GALNT1: variants seen among roughly 807,000 people sequenced by gnomAD.
GALNT1 encodes polypeptide N-acetylgalactosaminyltransferase 1.
In GALNT1, 17 loss-of-function variants were observed where a neutral mutation model predicts 65.7. That is an observed-to-expected ratio of 0.26 (90% CI 0.18 to 0.39). The LOEUF (loss-of-function observed/expected upper bound fraction) is 0.39. Among genes scored for constraint, GALNT1 ranks in the 10% least tolerant of loss-of-function variants. The pLI, the probability that GALNT1 is intolerant of heterozygous loss-of-function variation, is 1.00. For missense variants in GALNT1, 460 were observed against 672.8 expected, an observed-to-expected ratio of 0.68 and a Z score of 3.50; for synonymous variants, 210 against 219.7, an observed-to-expected ratio of 0.96 and a Z score of 0.39.
At chr18:35,667,934 C>G (rs541928857) in intron 3 of GALNT1, among the ~76,000 whole-genome samples, 1 of 152,296 alleles carries the variant, frequency 6.6e-6, no homozygotes, top group Non-Finnish European at 1.5e-5. Context: ...TTTCATTTGT[C>G]TACTTTCCCT....
chr18:35,654,884 A>G, intron 2 of GALNT1, 83 bp downstream of exon 2: 2 of 1,148,576 alleles, frequency 1.7e-6, no homozygotes, highest in Non-Finnish European at 2.3e-6. Context: ...TAAAATTTTA[A>G]CTTTTTTAGA....
intron 1 of GALNT1, among the ~76,000 whole-genome samples, chr18:35,605,150 A>G (rs1264459721): frequency 6.6e-6 from 1 of 152,096 alleles, no homozygotes; most frequent in African/African-American, 2.4e-5. Context: ...AGTAGCCCCA[A>G]GATGTTCTGT....
At chr18:35,661,726 C>G (rs1300148101) in intron 2 of GALNT1, among the ~76,000 whole-genome samples, 1 of 151,988 alleles carries the variant, frequency 6.6e-6, no homozygotes, top group Non-Finnish European at 1.5e-5. Context: ...CCCTTTGTCC[C>G]GTATATTTCC....
rs1449917184 is a variant in GALNT1, at chr18:35,695,924, C to T, written c.1299+3604C>T. 4.6e-5 allele frequency among the ~76,000 whole-genome samples: 7 copies of T among 152,074 alleles called. No individual in the cohort carries two copies. The East Asian group carries it at 1.4e-3, about 29-fold the overall frequency. ...TTTTGTTTTGTTTTTTTTGAGCTGA[C>T]CCAATTTTGGACAATGCCTAGGCAT... On this transcript the variant is annotated intron_variant, in intron 9 of 11. Coordinates refer to ENST00000269195, the MANE Select transcript of GALNT1 (RefSeq NM_020474.4).
intron 2 of GALNT1, among the ~76,000 whole-genome samples, chr18:35,659,326 A>G (rs941779681): frequency 2.6e-5 from 4 of 152,106 alleles, no homozygotes; most frequent in East Asian, 1.9e-4. Context: ...AGATTCTTCT[A>G]TTTACTTGTT....
At chr18:35,610,050 A>G (rs930690140) in intron 1 of GALNT1, among the ~76,000 whole-genome samples, 4 of 152,230 alleles carry the variant, frequency 2.6e-5, no homozygotes, top group African/African-American at 9.6e-5. Flanking sequence ...AGAGTGTTCA[A>G]ATTTCAAGGA....
At chr18:35,615,404 A>G (rs2046771188) in intron 1 of GALNT1, among the ~76,000 whole-genome samples, 1 of 152,172 alleles carries the variant, frequency 6.6e-6, no homozygotes, top group Admixed American at 6.5e-5. Context: ...TTTTACTAAC[A>G]CTGTATTAAA....
At chr18:35,608,176 A>T (rs2046674681) in intron 1 of GALNT1, among the ~76,000 whole-genome samples, 1 of 152,098 alleles carries the variant, frequency 6.6e-6, no homozygotes, top group Non-Finnish European at 1.5e-5. Flanking sequence ...AAGTTGTCTT[A>T]CTGCTAAGTT....
At chr18:35,672,778 C>G (rs1350723897) in intron 3 of GALNT1, among the ~76,000 whole-genome samples, 1 of 151,352 alleles carries the variant, frequency 6.6e-6, no homozygotes, top group Non-Finnish European at 1.5e-5. Context: ...CAAATCCATC[C>G]TATATAGTTA....
intron 1 of GALNT1, among the ~76,000 whole-genome samples, chr18:35,640,403 A>T (rs991610200): frequency 1.3e-5 from 2 of 152,216 alleles, no homozygotes; most frequent in Non-Finnish European, 2.9e-5. Flanking sequence ...ATTGTGTTAA[A>T]CCTTTAAAAG....
intron 1 of GALNT1, chr18:35,596,898 G>C (rs1349549999): frequency 6.6e-6 from 1 of 152,200 alleles, no homozygotes; most frequent in Non-Finnish European, 1.5e-5. Flanking sequence ...GTACTCCACT[G>C]ACTGTTCTTC....
chr18:35,634,525 C>T (rs72960691), intron 1 of GALNT1, among the ~76,000 whole-genome samples: 14,488 of 152,134 alleles, frequency 0.095, 829 homozygotes, highest in African/African-American at 0.17. Flanking sequence ...CACAAGCTTC[C>T]AAGAGTCCTC....
At chr18:35,672,443 G>T (rs940820370) in intron 3 of GALNT1, among the ~76,000 whole-genome samples, 1 of 152,202 alleles carries the variant, frequency 6.6e-6, no homozygotes, top group Non-Finnish European at 1.5e-5. Context: ...CCTGCTCCCC[G>T]AGGTGGAAGG....
At chr18:35,679,688 G>A (rs114630270) in intron 4 of GALNT1, among the ~76,000 whole-genome samples, 98 of 152,198 alleles carry the variant, frequency 6.4e-4, no homozygotes, top group Non-Finnish European at 1.2e-3. Context: ...TACCATTTCC[G>A]GTATCTGGGA....
chr18:35,633,216 A>G (rs1040303596), intron 1 of GALNT1, among the ~76,000 whole-genome samples: 32 of 152,314 alleles, frequency 2.1e-4, no homozygotes, highest in African/African-American at 6.7e-4. Context: ...AGGATTATCA[A>G]TCATGCTACT....
intron 9 of GALNT1, among the ~76,000 whole-genome samples, chr18:35,692,825 G>A (rs973515302): frequency 2.6e-5 from 4 of 152,134 alleles, no homozygotes; most frequent in African/African-American, 7.2e-5. Context: ...GATGATATGT[G>A]TAGACAGGGC....
intron 1 of GALNT1, among the ~76,000 whole-genome samples, chr18:35,633,547 G>A (rs962614556): frequency 2.3e-5 from 3 of 131,232 alleles, no homozygotes; most frequent in African/African-American, 8.4e-5. Flanking sequence ...TCTGTTGTGG[G>A]ATGGGGGAGG....
intron 1 of GALNT1, among the ~76,000 whole-genome samples, chr18:35,598,137 G>A (rs1294213276): frequency 6.6e-6 from 1 of 150,594 alleles, no homozygotes; most frequent in East Asian, 2.0e-4. Flanking sequence ...CCGGATTCAA[G>A]CGATTCTCCT....
intron 1 of GALNT1, among the ~76,000 whole-genome samples, chr18:35,600,898 T>C (rs954551612): frequency 1.6e-4 from 24 of 152,162 alleles, no homozygotes; most frequent in African/African-American, 5.3e-4. Context: ...TCTGTAGTTT[T>C]CTTTTTTTGT....
Sources: gnomAD v4.1 joint callset for allele counts (sites outside exome capture counted in the v4.1 genomes callset) on GRCh38, gnomAD v4.1.1 for gene constraint, MANE v1.5 for transcripts, NCBI Gene and HGNC (gene_info 2026-07-23, HGNC 2026-07-21) for gene names.